Variants in SGCZ observed in about 807,000 individuals in gnomAD.
SGCZ encodes the protein sarcoglycan zeta.
A neutral mutation model predicts 41.3 loss-of-function variants in SGCZ; 40 were observed. That is an observed-to-expected ratio of 0.97 (90% CI 0.75 to 1.26). The LOEUF is 1.26. SGCZ is among the 50% of genes most tolerant of loss of function. The pLI is 0.00. For synonymous variants in SGCZ, 206 were observed against 137.5 expected, an observed-to-expected ratio of 1.50 and a Z score of -3.49; for missense variants, 552 against 369.8, an observed-to-expected ratio of 1.49 and a Z score of -4.04.
chr8:14,375,835 T>C (rs886379548), intron 2 of SGCZ, among the ~76,000 whole-genome samples: 1 of 151,870 alleles, frequency 6.6e-6, no homozygotes, highest in African/African-American at 2.4e-5. Context: ...AATAAACCAA[T>C]GGAATCCAAA....
At chr8:14,438,613 T>A (rs1204198622) in intron 2 of SGCZ, among the ~76,000 whole-genome samples, 1 of 152,004 alleles carries the variant, frequency 6.6e-6, no homozygotes, top group East Asian at 1.9e-4. Context: ...TGATTTGTAA[T>A]GGAAATTACT....
chr8:14,982,320 C>T (rs574874428), intron 1 of SGCZ, among the ~76,000 whole-genome samples: 2 of 152,232 alleles, frequency 1.3e-5, no homozygotes, highest in South Asian at 2.1e-4. Context: ...CAAAGATAGG[C>T]CAAGCCAGAT....
chr8:15,187,585 A>G (rs1800385185), intron 1 of SGCZ, among the ~76,000 whole-genome samples: 8 of 152,058 alleles, frequency 5.3e-5, no homozygotes, highest in Admixed American at 5.2e-4. Context: ...GTGAGGAAAT[A>G]GACTCAAAAT....
At chr8:15,025,421 A>C (rs1163896541) in intron 1 of SGCZ, among the ~76,000 whole-genome samples, 2 of 152,218 alleles carry the variant, frequency 1.3e-5, no homozygotes, top group African/African-American at 4.8e-5. Flanking sequence ...GGCAGGAAAA[A>C]CTGAAAAATA....
intron 5 of SGCZ, among the ~76,000 whole-genome samples, chr8:14,152,323 A>T (rs1409205496): frequency 6.6e-6 from 1 of 152,216 alleles, no homozygotes; most frequent in Non-Finnish European, 1.5e-5. Context: ...GCAAATAAAC[A>T]CATAAAAAGG....
intron 3 of SGCZ, among the ~76,000 whole-genome samples, chr8:14,268,012 A>G (rs1799933467): frequency 6.6e-6 from 1 of 151,704 alleles, no homozygotes; most frequent in African/African-American, 2.4e-5. Context: ...TTATATATTT[A>G]TATAAAATAA....
chr8:15,093,321 T>C (rs896439544), intron 1 of SGCZ, among the ~76,000 whole-genome samples: 2 of 152,222 alleles, frequency 1.3e-5, no homozygotes, highest in Non-Finnish European at 2.9e-5. Flanking sequence ...TCATCAGGAA[T>C]TGAGCTGGTT....
intron 1 of SGCZ, among the ~76,000 whole-genome samples, chr8:14,597,765 C>T (rs913088965): frequency 3.3e-5 from 5 of 152,204 alleles, no homozygotes; most frequent in African/African-American, 1.2e-4. Context: ...GTGTGAGCCA[C>T]TGCACCTGGC....
At chr8:14,341,090 T>C (rs1249193127) in intron 2 of SGCZ, among the ~76,000 whole-genome samples, 1 of 152,200 alleles carries the variant, frequency 6.6e-6, no homozygotes, top group Non-Finnish European at 1.5e-5. Flanking sequence ...ATCTATGTTG[T>C]AGCATGTGTC....
intron 2 of SGCZ, among the ~76,000 whole-genome samples, chr8:14,385,121 G>A (rs1804525780): frequency 6.6e-6 from 1 of 152,076 alleles, no homozygotes; most frequent in African/African-American, 2.4e-5. Flanking sequence ...TGACTGGTTT[G>A]TATCGTTTGG....
intron 1 of SGCZ, among the ~76,000 whole-genome samples, chr8:15,204,821 T>C (rs767853534): frequency 3.9e-5 from 6 of 152,204 alleles, no homozygotes; most frequent in Non-Finnish European, 7.3e-5. Context: ...ATTGTTTAAC[T>C]ACCACTCTGT....
chr8:14,745,895 T>C (rs1345346533), intron 1 of SGCZ, among the ~76,000 whole-genome samples: 1 of 152,098 alleles, frequency 6.6e-6, no homozygotes, highest in Non-Finnish European at 1.5e-5. Flanking sequence ...CTTCAGGAAA[T>C]AACCCAAACA....
intron 1 of SGCZ, among the ~76,000 whole-genome samples, chr8:15,061,370 C>T (rs868560808): frequency 6.6e-6 from 1 of 151,822 alleles, no homozygotes. Context: ...ACATCACACA[C>T]CGGGGCCTGT....
rs146489526 is a variant in SGCZ, at chr8:15,218,361, T to C, written c.39+19224A>G. ...TTAGCAAAAAAGTAGTTAAACTTGG[T>C]GAGATGTGAAATTAGGTTTTAATGC... On this transcript the variant is annotated intron_variant, in intron 1 of 7. Coordinates refer to ENST00000382080, the MANE Select transcript of SGCZ (RefSeq NM_139167.4). 8.3e-4 allele frequency among the ~76,000 whole-genome samples: 127 copies of C among 152,310 alleles called. 1 individual carries two copies. The East Asian group carries it at 0.024, about 29-fold the overall frequency.
At chr8:14,479,011 T>C (rs936815747) in intron 2 of SGCZ, among the ~76,000 whole-genome samples, 3 of 152,202 alleles carry the variant, frequency 2.0e-5, no homozygotes, top group Non-Finnish European at 2.9e-5. Flanking sequence ...TCCTGTCTCC[T>C]GTTGTATTCG....
At chr8:14,468,676 C>T (rs957351349) in intron 2 of SGCZ, among the ~76,000 whole-genome samples, 6 of 152,008 alleles carry the variant, frequency 3.9e-5, no homozygotes, top group African/African-American at 7.2e-5. Flanking sequence ...TAGACACTAA[C>T]ACCTTAAGTA....
At chr8:14,949,158 AT>A (rs1800549037) in intron 1 of SGCZ, among the ~76,000 whole-genome samples, 1 of 152,138 alleles carries the variant, frequency 6.6e-6, no homozygotes, top group African/African-American at 2.4e-5. Flanking sequence ...AAATAGCAGT[AT>A]ATATACTAAG....
At chr8:14,805,783 T>C (rs201848426) in intron 1 of SGCZ, among the ~76,000 whole-genome samples, 1 of 151,890 alleles carries the variant, frequency 6.6e-6, no homozygotes, top group African/African-American at 2.4e-5. Context: ...ATACATTTTT[T>C]TCAGCACCAC....
At chr8:14,631,014 G>C (rs1260788992) in intron 1 of SGCZ, among the ~76,000 whole-genome samples, 1 of 151,622 alleles carries the variant, frequency 6.6e-6, no homozygotes, top group Non-Finnish European at 1.5e-5. Context: ...AGAACTTAAA[G>C]TATAATAAAA....
Sources: gnomAD v4.1 joint callset for allele counts (sites outside exome capture counted in the v4.1 genomes callset) on GRCh38, gnomAD v4.1.1 for gene constraint, MANE v1.5 for transcripts, NCBI Gene and HGNC (gene_info 2026-07-23, HGNC 2026-07-21) for gene names.